Variants in CDH13 observed in about 807,000 individuals in gnomAD.
The protein encoded by CDH13 is cadherin 13.
CDH13 carries 24 observed loss-of-function variants against 63.8 expected under a neutral mutation model. The observed-to-expected ratio is 0.38, with a 90% CI of 0.27 to 0.53. CDH13 has a LOEUF of 0.53. CDH13 is among the 20% of genes least tolerant of loss of function. The pLI is 0.85. For synonymous variants in CDH13, 503 were observed against 355.3 expected (o/e 1.42, Z -4.67); for missense variants, 1,049 against 903.1 (o/e 1.16, Z -2.07).
intron 1 of CDH13, among the ~76,000 whole-genome samples, chr16:82,831,342 A>T (rs1956725923): frequency 6.6e-6 from 1 of 152,136 alleles, no homozygotes; most frequent in South Asian, 2.1e-4. Context: ...CCAGAATCCT[A>T]ACAATTCAGC....
At chr16:82,924,957 C>T (rs1242126046) in intron 2 of CDH13, among the ~76,000 whole-genome samples, 1 of 151,994 alleles carries the variant, frequency 6.6e-6, no homozygotes, top group East Asian at 1.9e-4. Context: ...TTTATTTTTT[C>T]CTTAAAAACT....
At chr16:82,964,492 A>G (rs139128084) in intron 2 of CDH13, among the ~76,000 whole-genome samples, 6 of 152,348 alleles carry the variant, frequency 3.9e-5, no homozygotes, top group African/African-American at 1.4e-4. Context: ...ATAATTGTCC[A>G]CATTGGATAA....
intron 10 of CDH13, among the ~76,000 whole-genome samples, chr16:83,731,752 G>T (rs16961506): frequency 1.3e-5 from 2 of 152,036 alleles, no homozygotes; most frequent in African/African-American, 4.8e-5. Context: ...TTCTTTTCTC[G>T]TCTTCTGGCA....
At chr16:82,991,976 A>C (rs1326915831) in intron 2 of CDH13, among the ~76,000 whole-genome samples, 1 of 152,220 alleles carries the variant, frequency 6.6e-6, no homozygotes, top group Non-Finnish European at 1.5e-5. Flanking sequence ...ATCATGTCAA[A>C]AATTTCAGAA....
Position 82,697,345 on chromosome 16 carries a change from AG to A in CDH13, c.45+70210del, listed in dbSNP as rs570304809. On this transcript the variant is annotated intron_variant, in intron 1 of 13. Transcript: ENST00000567109. The stretch of plus-strand genomic sequence containing the variant: ...ATTTCCATCTGAAGAGAACAAGATG[AG>A]GCTTTGTCACTCTCACCCCAGACTA... 3.3e-4 allele frequency among the ~76,000 whole-genome samples: 49 copies of A among 148,412 alleles called. No homozygotes were observed. The East Asian group carries it at 9.6e-3, about 29-fold the overall frequency.
chr16:82,734,575 C>G lies in CDH13; in HGVS notation c.45+107438C>G, dbSNP rs142000242. ...TCGCTCTTTGTGATACATCCACTGTCTTAGGTTGAAGAAGCAACTCTGAGA... is the reference window on the plus strand; with the variant it reads ...TCGCTCTTTGTGATACATCCACTGTGTTAGGTTGAAGAAGCAACTCTGAGA... On this transcript the variant is annotated intron_variant, in intron 1 of 13. Coordinates refer to ENST00000567109, the MANE Select transcript of CDH13 (RefSeq NM_001257.5). Among the ~76,000 whole-genome samples, 831 of 152,262 alleles carry G rather than the reference C, an allele frequency of 5.5e-3. 6 individuals are homozygous for G. Among genetic ancestry groups the G allele is most frequent in the Middle Eastern group, 0.02 (6 of 294 alleles).
chr16:83,532,898 C>A (rs1014865830), intron 7 of CDH13, among the ~76,000 whole-genome samples: 2 of 152,222 alleles, frequency 1.3e-5, no homozygotes, highest in African/African-American at 2.4e-5. Context: ...AGAGAGCCAG[C>A]GGCCTCCCCT....
In CDH13 at chr16:83,697,384, G is replaced by A. The variant is rs78057155; in HGVS notation, c.1538+18923G>A. 8.9e-3 allele frequency among the ~76,000 whole-genome samples: 1,361 copies of A among 152,270 alleles called. 57 individuals carry two copies. The highest frequency in any genetic ancestry group is 0.066 in the Admixed American group (1,003 of 15,282). Reference sequence around the variant, plus strand: ...TCGCAATTTTGCTGTTTGAAATGGCGTTGAGCACAGTGCGGAAGTGCTGTC... The same window carrying A: ...TCGCAATTTTGCTGTTTGAAATGGCATTGAGCACAGTGCGGAAGTGCTGTC... On this transcript the variant is annotated intron_variant, in intron 10 of 13. Coordinates refer to ENST00000567109, the MANE Select transcript of CDH13 (RefSeq NM_001257.5).
rs938774241 is a variant in CDH13, at chr16:83,161,641, C to T, written c.483+36140C>T. On this transcript the variant is annotated intron_variant, in intron 4 of 13. Coordinates refer to ENST00000567109, the MANE Select transcript of CDH13 (RefSeq NM_001257.5). ...ACAAACCACCAACATTTCCCTCCCCCGCCTTGACTGTGCATGGATTTGCAT... is the reference window on the plus strand; with the variant it reads ...ACAAACCACCAACATTTCCCTCCCCTGCCTTGACTGTGCATGGATTTGCAT... Among the ~76,000 whole-genome samples the T allele has an allele frequency of 1.2e-4, 18 of 152,222 alleles. No individual in the cohort carries two copies. In the East Asian group the frequency reaches 1.4e-3, roughly 11 times the overall value.
intron 8 of CDH13, among the ~76,000 whole-genome samples, chr16:83,644,853 C>T (rs1436626474): frequency 6.6e-6 from 1 of 152,194 alleles, no homozygotes; most frequent in Non-Finnish European, 1.5e-5. Context: ...CAGTGGAAGC[C>T]TCTAAGGCAC....
intron 5 of CDH13, among the ~76,000 whole-genome samples, chr16:83,218,185 T>C (rs1047897008): frequency 2.6e-5 from 4 of 152,130 alleles, no homozygotes; most frequent in Non-Finnish European, 5.9e-5. Flanking sequence ...CTTAAATGCA[T>C]TATTGTGAGT....
At chr16:82,720,833 A>G (rs2032725458) in intron 1 of CDH13, among the ~76,000 whole-genome samples, 1 of 152,218 alleles carries the variant, frequency 6.6e-6, no homozygotes, top group African/African-American at 2.4e-5. Flanking sequence ...GTCACTGAGC[A>G]AAAGGCCCTC....
At chr16:83,277,485 G>A (rs2089029068) in intron 5 of CDH13, among the ~76,000 whole-genome samples, 1 of 152,116 alleles carries the variant, frequency 6.6e-6, no homozygotes, top group Non-Finnish European at 1.5e-5. Context: ...GCTTTAAAAG[G>A]GCAAAGATTT....
chr16:83,033,766 C>T (rs980855648), intron 3 of CDH13, among the ~76,000 whole-genome samples: 5 of 152,206 alleles, frequency 3.3e-5, no homozygotes, highest in Non-Finnish European at 7.3e-5. Context: ...ACCAGGAGCT[C>T]AGGGACTCCA....
chr16:83,389,995 C>T (rs1248352487), intron 6 of CDH13, among the ~76,000 whole-genome samples: 1 of 152,176 alleles, frequency 6.6e-6, no homozygotes, highest in African/African-American at 2.4e-5. Context: ...AGAAAGTCAA[C>T]TTGGTTGGAA....
intron 1 of CDH13, among the ~76,000 whole-genome samples, chr16:82,855,754 G>A (rs2039655926): frequency 6.6e-6 from 1 of 152,162 alleles, no homozygotes; most frequent in Non-Finnish European, 1.5e-5. Flanking sequence ...ATGTTGGTCA[G>A]GGTGATGACT....
chr16:83,654,368 G>A (rs1394141611), intron 8 of CDH13, among the ~76,000 whole-genome samples: 1 of 152,040 alleles, frequency 6.6e-6, no homozygotes, highest in Non-Finnish European at 1.5e-5. Context: ...GCCATAGTTA[G>A]GAACAGCCCC....
At chr16:83,622,016 T>C (rs1909862978) in intron 8 of CDH13, among the ~76,000 whole-genome samples, 1 of 152,208 alleles carries the variant, frequency 6.6e-6, no homozygotes, top group South Asian at 2.1e-4. Context: ...TGGGAAAATA[T>C]ACTAATCATT....
chr16:82,697,137 A>C (rs2030397685), intron 1 of CDH13, among the ~76,000 whole-genome samples: 1 of 152,222 alleles, frequency 6.6e-6, no homozygotes, highest in South Asian at 2.1e-4. Flanking sequence ...GTCCAGGTCC[A>C]CACTCAGAGG....
Sources: gnomAD v4.1 joint callset for allele counts (sites outside exome capture counted in the v4.1 genomes callset) on GRCh38, gnomAD v4.1.1 for gene constraint, MANE v1.5 for transcripts, NCBI Gene and HGNC (gene_info 2026-07-23, HGNC 2026-07-21) for gene names.